ABCC6: variants seen among roughly 807,000 people sequenced by gnomAD.
ABCC6 encodes the protein ATP binding cassette subfamily C member 6, also known as ATP-binding cassette sub-family C member 6.
A neutral mutation model predicts 169.5 loss-of-function variants in ABCC6; 126 were observed. The ratio of observed to expected loss-of-function variants is 0.74; its 90% confidence interval spans 0.64 to 0.86. The LOEUF is 0.86. ABCC6 is among the 40% of genes least tolerant of loss of function. The probability of loss-of-function intolerance (pLI) is 0.00; values close to 1 mark genes in which losing one functional copy is unlikely to be tolerated. For missense variants in ABCC6, 1,733 were observed against 1,927.2 expected (o/e 0.90, Z 1.89); for synonymous variants, 752 against 814.7 (o/e 0.92, Z 1.31).
At chr16:16,175,586 C>T (rs990827542) in intron 20 of ABCC6, among the ~76,000 whole-genome samples, 5 of 152,156 alleles carry the variant, frequency 3.3e-5, no homozygotes, top group East Asian at 1.9e-4. Context: ...TGGTGGTTTA[C>T]AGCTATGGGG....
chr16:16,183,038 A>G, intron 15 of ABCC6, 108 bp from the exon 16 acceptor site: 2 of 1,558,398 alleles, frequency 1.3e-6, no homozygotes, highest in East Asian at 2.2e-5. Flanking sequence ...GGAGTCTCCA[A>G]GAGGACCTGT....
intron 5 of ABCC6, among the ~76,000 whole-genome samples, chr16:16,213,723 G>T (rs1008820515): frequency 4.0e-5 from 6 of 148,860 alleles, no homozygotes; most frequent in African/African-American, 1.5e-4. Context: ...ACCATGCCTG[G>T]CTAATTTTTG....
At chr16:16,215,954 C>G (rs2048856850) in intron 4 of ABCC6, among the ~76,000 whole-genome samples, 1 of 151,770 alleles carries the variant, frequency 6.6e-6, no homozygotes, top group African/African-American at 2.4e-5. Flanking sequence ...GAGTCTCACT[C>G]TGTTGCCCAG....
intron 18 of ABCC6, 80 bp downstream of exon 18, chr16:16,178,718 A>ACCC: frequency 6.5e-7 from 1 of 1,542,926 alleles, no homozygotes; most frequent in Non-Finnish European, 9.0e-7. Context: ...GGGAGGTGAG[A>ACCC]TAAACTTGGG....
At position 16,159,474 on chromosome 16, in the gene ABCC6, C is replaced by A. The variant is rs563265838; in HGVS notation, c.3735+8G>T. The A allele has an allele frequency of 2.5e-6, 4 of 1,613,782 alleles. No homozygotes were observed. In the Admixed American group the frequency reaches 6.7e-5, roughly 27 times the overall value. On this transcript the variant is annotated splice_region_variant and intron_variant, in intron 26 of 30. Coordinates refer to ENST00000205557, the MANE Select transcript of ABCC6 (RefSeq NM_001171.6). ...GCTGGGACCCCCTCCCCACCTCCCG[C>A]CCATCACCTCCTTGGGCGTCCAGGC...
intron 7 of ABCC6, among the ~76,000 whole-genome samples, chr16:16,207,978 T>A (rs951865364): frequency 6.6e-6 from 1 of 151,576 alleles, no homozygotes; most frequent in Non-Finnish European, 1.5e-5. Flanking sequence ...TCCTTTTTTT[T>A]CATCCCCATA....
At chr16:16,174,539 C>G (rs561336463) in intron 20 of ABCC6, among the ~76,000 whole-genome samples, 1 of 152,042 alleles carries the variant, frequency 6.6e-6, no homozygotes, top group South Asian at 2.1e-4. Flanking sequence ...GGTGGAACAC[C>G]TGAAGTCAGG....
chr16:16,199,764 T>C (rs2048175569), intron 9 of ABCC6, among the ~76,000 whole-genome samples: 1 of 142,526 alleles, frequency 7.0e-6, no homozygotes, highest in South Asian at 2.2e-4. Context: ...AACAAGGCTC[T>C]ATAATAAAGA....
At chr16:16,182,361 G>T (rs764435140) in intron 17 of ABCC6, 51 bp downstream of exon 17, 1 of 1,607,952 alleles carries the variant, frequency 6.2e-7, no homozygotes, top group South Asian at 1.1e-5. Flanking sequence ...GGACCCAAAT[G>T]ACTCCCAACT....
intron 11 of ABCC6, 104 bp from the exon 12 acceptor site, chr16:16,190,471 T>C: frequency 2.3e-6 from 3 of 1,311,670 alleles, no homozygotes; most frequent in African/African-American, 1.5e-5. Context: ...CTCACCAAAC[T>C]GCGTCCCAAA....
chr16:16,159,480 A>G lies in ABCC6; in HGVS notation c.3735+2T>C. 1.9e-6 allele frequency: 3 copies of G among 1,607,954 alleles called. No homozygotes were observed. Among genetic ancestry groups the G allele is most frequent in the South Asian group, 1.1e-5 (1 of 90,830 alleles). ...ACCCCCTCCCCACCTCCCGCCCATC[A>G]CCTCCTTGGGCGTCCAGGCATAGTC... On this transcript the variant is annotated splice_donor_variant, in intron 26 of 30. Transcript: ENST00000205557. LOFTEE classifies it high-confidence loss of function.
chr16:16,182,888 G>C lies in ABCC6; in HGVS notation c.1986C>G (p.Val662=), dbSNP rs760798025. The C allele has an allele frequency of 6.2e-7, 1 of 1,614,146 alleles. No individual in the cohort carries two copies. The highest frequency in any genetic ancestry group is 1.3e-5 in the African/African-American group (1 of 75,034). Reference sequence around the variant, plus strand: ...AGGACTTCCCTGCCCCCACTGGACCGACAACAGCCAGCAGACAGCCCTGGG... The same window carrying C: ...AGGACTTCCCTGCCCCCACTGGACCCACAACAGCCAGCAGACAGCCCTGGG... ...TVPQGCLLAV[V]GPVGAGKSSL... Residue 662 remains valine, a synonymous_variant, in exon 16 of 31, where the codon GTC becomes GTG. Transcript: ENST00000205557.
At chr16:16,170,495 G>A (rs981810274) in intron 21 of ABCC6, among the ~76,000 whole-genome samples, 2 of 152,134 alleles carry the variant, frequency 1.3e-5, no homozygotes, top group African/African-American at 4.8e-5. Flanking sequence ...GCACAGAGAG[G>A]TTCAGCCACT....
intron 10 of ABCC6, among the ~76,000 whole-genome samples, chr16:16,197,611 G>C (rs1413321987): frequency 6.7e-6 from 1 of 148,962 alleles, no homozygotes; most frequent in Non-Finnish European, 1.5e-5. Flanking sequence ...AAGAGGAGGA[G>C]GAGGGGGAAG....
chr16:16,150,809 T>C, intron 29 of ABCC6, 37 bp from the exon 30 acceptor site: 1 of 1,605,568 alleles, frequency 6.2e-7, no homozygotes, highest in Non-Finnish European at 8.5e-7. Context: ...GGACGTGCGT[T>C]TGTCGGCACA....
chr16:16,179,749 C>G (rs1053080355), intron 17 of ABCC6, among the ~76,000 whole-genome samples: 4 of 152,142 alleles, frequency 2.6e-5, no homozygotes, highest in African/African-American at 9.7e-5. Flanking sequence ...CACTACCACG[C>G]CTGGCTAGTT....
intron 21 of ABCC6, chr16:16,172,953 G>A (rs1439385175): frequency 7.9e-6 from 3 of 377,938 alleles, no homozygotes; most frequent in Non-Finnish European, 1.5e-5. Flanking sequence ...GAGGTAGGAG[G>A]ATTGCTTTAG....
rs1208460101 is a variant in ABCC6 at position 16,190,380 on chromosome 16, G to C, written c.1432-13C>G. 3.1e-6 allele frequency: 5 copies of C among 1,613,878 alleles called. No homozygotes were observed. Among genetic ancestry groups the C allele is most frequent in the Non-Finnish European group, 4.2e-6 (5 of 1,179,928 alleles). ...TCATTTGCTCCTCCTGGGATCGGAG[G>C]GAAAAAGAGAGATGAAGACAGGGAC... On this transcript the variant is annotated splice_polypyrimidine_tract_variant and intron_variant, in intron 11 of 30. Transcript: ENST00000205557.
intron 4 of ABCC6, among the ~76,000 whole-genome samples, chr16:16,215,280 C>T (rs2048820060): frequency 1.3e-5 from 2 of 152,114 alleles, no homozygotes; most frequent in South Asian, 4.1e-4. Flanking sequence ...GAAGTGACAG[C>T]ACCTTGTTCA....
Sources: gnomAD v4.1 joint callset for allele counts (sites outside exome capture counted in the v4.1 genomes callset) on GRCh38, gnomAD v4.1.1 for gene constraint, MANE v1.5 for transcripts, NCBI Gene and HGNC (gene_info 2026-07-23, HGNC 2026-07-21) for gene names.